Variants in ZBTB8OS observed in about 807,000 individuals in gnomAD.
ZBTB8OS encodes the protein tRNA-splicing ligase-activating factor archease.
ZBTB8OS carries 16 observed loss-of-function variants against 29.3 expected under a neutral mutation model. The ratio of observed to expected loss-of-function variants is 0.55; its 90% CI spans 0.37 to 0.83. The LOEUF is 0.83. Ranked by LOEUF, ZBTB8OS falls within the 40% of genes least tolerant of loss-of-function variation. The pLI is 0.00. For missense variants in ZBTB8OS, 160 were observed against 196.9 expected (o/e 0.81, Z 1.12); for synonymous variants, 70 against 64.6 (o/e 1.08, Z -0.40).
At chr1:32,638,526 C>T (rs1374681107) in intron 1 of ZBTB8OS, among the ~76,000 whole-genome samples, 1 of 151,968 alleles carries the variant, frequency 6.6e-6, no homozygotes, top group Non-Finnish European at 1.5e-5. Context: ...ATTGAAGACC[C>T]CAAAGAGCTT....
intron 1 of ZBTB8OS, among the ~76,000 whole-genome samples, chr1:32,649,439 TC>T (rs1425345619): frequency 6.6e-6 from 1 of 152,006 alleles, no homozygotes; most frequent in Non-Finnish European, 1.5e-5. Flanking sequence ...AGATTTGTGC[TC>T]CCCAAACCAC....
chr1:32,646,789 C>T (rs1041571311), intron 1 of ZBTB8OS, among the ~76,000 whole-genome samples: 6 of 150,990 alleles, frequency 4.0e-5, no homozygotes, highest in African/African-American at 1.2e-4. Context: ...GTAACCCCAG[C>T]ACTTTGGGAG....
Position 32,633,651 on chromosome 1 carries a change from T to C in ZBTB8OS, c.321A>G (p.Ile107Met). The stretch of plus-strand genomic sequence containing the variant: ...AAGAAAAACCTTTGCTTACCCGGGG[T>C]ATGAAGAATTCATCAGCACTGAACT... ...LYKFSADEFF[I>M]PREVKVLSID... is the part of the protein sequence containing the mutation. The change falls in exon 4 of 7, where the codon ATA becomes ATG. Residue 107 changes from isoleucine (I) to methionine (M), a missense_variant. Ile to Met is a conservative substitution (Grantham distance 10, BLOSUM62 1). Transcript: ENST00000468695. 1 of 1,600,378 alleles carries C rather than the reference T, an allele frequency of 6.2e-7. No homozygotes were observed. Among genetic ancestry groups the C allele is most frequent in the Non-Finnish European group, 8.5e-7 (1 of 1,176,328 alleles).
chr1:32,636,524 AC>A (rs896454841), intron 1 of ZBTB8OS, among the ~76,000 whole-genome samples: 1 of 152,014 alleles, frequency 6.6e-6, no homozygotes, highest in African/African-American at 2.4e-5. Flanking sequence ...GCTTGTCTCT[AC>A]TAAAAACACA....
chr1:32,632,945 G>T (rs1231816429), intron 4 of ZBTB8OS, among the ~76,000 whole-genome samples: 1 of 152,158 alleles, frequency 6.6e-6, no homozygotes, highest in African/African-American at 2.4e-5. Context: ...TGACTCAGTT[G>T]ATAGAATGAG....
Position 32,621,641 on chromosome 1 carries a change from G to T in ZBTB8OS, c.*221C>A. On this transcript the variant is annotated 3_prime_UTR_variant, in exon 7 of 7. Transcript: ENST00000468695. Reference sequence around the variant, plus strand: ...ATCAAAGGACCATAACTGTCCCTTGGGGGGTTGAAGAATTCTTTAAAGTGT... The same window carrying T: ...ATCAAAGGACCATAACTGTCCCTTGTGGGGTTGAAGAATTCTTTAAAGTGT... The T allele has an allele frequency of 3.9e-6, 2 of 506,692 alleles. No homozygotes were observed. Among genetic ancestry groups the T allele is most frequent in the Admixed American group, 3.9e-5 (1 of 25,528 alleles). 31.4% of individuals were successfully genotyped at this position (506,692 alleles called of 1,614,324 possible).
chr1:32,620,983 G>A lies in ZBTB8OS; in HGVS notation c.*879C>T, dbSNP rs1282515944. 3.3e-5 allele frequency: 5 copies of A among 152,138 alleles called. No individual in the cohort carries two copies. Among genetic ancestry groups the A allele is most frequent in the Non-Finnish European group, 1.5e-5 (1 of 68,010 alleles). 9.4% of individuals were successfully genotyped at this position (152,138 alleles called of 1,614,324 possible). ...TGCTTTTAAAAAACTGAAAGCGTGA[G>A]AGAAAAATCAGGGCTCTATCTAGAG... On this transcript the variant is annotated 3_prime_UTR_variant, in exon 7 of 7. Transcript: ENST00000468695.
intron 1 of ZBTB8OS, among the ~76,000 whole-genome samples, chr1:32,641,278 T>TG (rs1646382579): frequency 6.8e-6 from 1 of 146,240 alleles, no homozygotes; most frequent in Non-Finnish European, 1.5e-5. Flanking sequence ...TTTTTTTTTT[T>TG]TTTTTTTTTT....
intron 4 of ZBTB8OS, among the ~76,000 whole-genome samples, chr1:32,632,962 T>C (rs1436774527): frequency 1.3e-5 from 2 of 152,174 alleles, no homozygotes; most frequent in Non-Finnish European, 2.9e-5. Flanking sequence ...TGAGTATAAG[T>C]AGTGAAGCTG....
chr1:32,635,180 T>C (rs1479949685), intron 1 of ZBTB8OS, among the ~76,000 whole-genome samples: 1 of 152,128 alleles, frequency 6.6e-6, no homozygotes, highest in East Asian at 1.9e-4. Context: ...AGCTTTTTCC[T>C]GATATTCCCA....
intron 1 of ZBTB8OS, among the ~76,000 whole-genome samples, chr1:32,646,495 C>T (rs954359926): frequency 1.3e-5 from 2 of 151,548 alleles, no homozygotes; most frequent in Non-Finnish European, 2.9e-5. Flanking sequence ...TCACGCCATT[C>T]TCCTGCCTCA....
chr1:32,631,326 G>A (rs1310828299), intron 5 of ZBTB8OS, among the ~76,000 whole-genome samples: 3 of 147,730 alleles, frequency 2.0e-5, no homozygotes, highest in Non-Finnish European at 4.4e-5. Flanking sequence ...CTGTACTCCA[G>A]CCTGGGAGAC....
At position 32,621,938 on chromosome 1, in the gene ZBTB8OS, A is replaced by G; in HGVS notation, c.428T>C (p.Val143Ala). 6.4e-7 allele frequency: 1 copy of G among 1,569,482 alleles called. No individual in the cohort carries two copies. Among genetic ancestry groups the G allele is most frequent in the Non-Finnish European group, 8.6e-7 (1 of 1,167,774 alleles). ...CATTGCTGAATATGTTATTGCTTTG[A>G]CTTCTGTTCCCTAAAGTTGGGGTTA... ...SLSKHPQGTE[V>A]KAITYSAMQV... Residue 143 changes from valine (V) to alanine (A), a missense_variant, in exon 7 of 7, where the codon GTC becomes GCC. Val to Ala is a moderately conservative substitution (Grantham distance 64). Transcript: ENST00000468695.
intron 1 of ZBTB8OS, among the ~76,000 whole-genome samples, chr1:32,634,993 C>G (rs12033429): frequency 0.15 from 22,279 of 149,648 alleles, 3,311 homozygotes; most frequent in African/African-American, 0.38. Context: ...TTTTTTTTTG[C>G]GGGGACAGAG....
chr1:32,646,857 T>G (rs1646876303), intron 1 of ZBTB8OS, among the ~76,000 whole-genome samples: 1 of 139,964 alleles, frequency 7.1e-6, no homozygotes, highest in Non-Finnish European at 1.5e-5. Flanking sequence ...GCCAGCATGG[T>G]GAAACCCTGT....
Position 32,633,690 on chromosome 1 carries a change from A to G in ZBTB8OS, c.282T>C (p.Asp94=), listed in dbSNP as rs1645742259. The stretch of plus-strand genomic sequence containing the variant: ...CAGCACTGAACTTATAAAGCCATTC[A>G]TCCAAAAAGTGAAACAGAAGAGACT... ...DLQSLLFHFL[D]EWLYKFSADE... The change falls in exon 4 of 7, where the codon GAT becomes GAC. Residue 94 remains aspartate (D), a synonymous_variant. Transcript: ENST00000468695. The G allele has an allele frequency of 6.2e-7, 1 of 1,610,686 alleles. No individual in the cohort carries two copies. Among genetic ancestry groups the G allele is most frequent in the South Asian group, 1.1e-5 (1 of 89,808 alleles).
At chr1:32,630,847 A>G (rs1043945829) in intron 5 of ZBTB8OS, among the ~76,000 whole-genome samples, 1 of 151,240 alleles carries the variant, frequency 6.6e-6, no homozygotes, top group Non-Finnish European at 1.5e-5. Context: ...CCCCGTCTAT[A>G]CTAAAAATAC....
chr1:32,627,766 G>C, intron 5 of ZBTB8OS: 1 of 556,258 alleles, frequency 1.8e-6, no homozygotes, highest in Non-Finnish European at 3.2e-6. Context: ...GCCAGGTGCG[G>C]TGGCTCATAC....
At chr1:32,649,706 C>T (rs1238306146) in intron 1 of ZBTB8OS, among the ~76,000 whole-genome samples, 1 of 150,438 alleles carries the variant, frequency 6.6e-6, no homozygotes, top group Non-Finnish European at 1.5e-5. Context: ...CGCTCGTTGC[C>T]CAGGCTGGAG....
Sources: allele counts gnomAD v4.1 joint callset (sites outside exome capture counted in the v4.1 genomes callset), GRCh38; gene constraint gnomAD v4.1.1; transcripts MANE v1.5; gene names NCBI Gene and HGNC (gene_info 2026-07-23, HGNC 2026-07-21).